SLC35E2B: variants seen among roughly 807,000 people sequenced by gnomAD.
The protein encoded by SLC35E2B is solute carrier family 35, member E2B.
A neutral mutation model predicts 32.4 loss-of-function variants in SLC35E2B; 18 were observed. The ratio of observed to expected loss-of-function variants is 0.56; its 90% CI spans 0.38 to 0.82. The LOEUF is 0.82. Ranked by LOEUF, SLC35E2B falls within the 40% of genes least tolerant of loss-of-function variation. SLC35E2B has a pLI of 0.00. For missense variants in SLC35E2B, 263 were observed against 469.5 expected, an observed-to-expected ratio of 0.56 and a Z score of 4.06; for synonymous variants, 132 against 209.1, an observed-to-expected ratio of 0.63 and a Z score of 3.18.
chr1:1,666,057 C>T, intron 9 of SLC35E2B, 38 bp from the exon 10 acceptor site: 1 of 1,532,096 alleles, frequency 6.5e-7, no homozygotes, highest in African/African-American at 1.4e-5. Flanking sequence ...GCGCTCAGGG[C>T]TATGGTCTCC....
intron 6 of SLC35E2B, chr1:1,670,423 ATTT>A (rs34950577): frequency 3.3e-3 from 707 of 211,464 alleles, no homozygotes; most frequent in Middle Eastern, 6.7e-3. Context: ...CGCCCAACAG[ATTT>A]TTTTTTTTTT....
At chr1:1,677,583 T>A (rs1053044368) in intron 2 of SLC35E2B, among the ~76,000 whole-genome samples, 3 of 151,198 alleles carry the variant, frequency 2.0e-5, no homozygotes, top group African/African-American at 7.3e-5. Flanking sequence ...GTTCTCGCCA[T>A]TCTCCTGCCT....
chr1:1,674,608 C>T lies in SLC35E2B; in HGVS notation c.586+855G>A, dbSNP rs964610595. On this transcript the variant is annotated intron_variant, in intron 5 of 9. Transcript: ENST00000617444. ...CTGCAGCCTGGGCGACAGAGCAAGA[C>T]CCTGTCTCAAAAACATAAAAAAAAC... is the stretch of plus-strand genomic sequence containing the variant. 8.7e-5 allele frequency among the ~76,000 whole-genome samples: 13 copies of T among 149,146 alleles called. 1 individual carries two copies. Among genetic ancestry groups the T allele is most frequent in the African/African-American group, 3.2e-4 (13 of 40,752 alleles).
intron 6 of SLC35E2B, 151 bp downstream of exon 6, chr1:1,671,358 C>T: frequency 3.5e-6 from 3 of 849,412 alleles, no homozygotes; most frequent in Middle Eastern, 4.0e-4. Flanking sequence ...GCCGGGGATA[C>T]CTGTTGTTTT....
chr1:1,679,108 C>G (rs1287089989), intron 2 of SLC35E2B, among the ~76,000 whole-genome samples: 1 of 152,138 alleles, frequency 6.6e-6, no homozygotes, highest in Non-Finnish European at 1.5e-5. Context: ...ACAGCACCCG[C>G]TACACAGGCT....
intron 8 of SLC35E2B, among the ~76,000 whole-genome samples, chr1:1,669,045 C>T (rs1322480654): frequency 6.6e-6 from 1 of 151,728 alleles, no homozygotes; most frequent in Non-Finnish European, 1.5e-5. Flanking sequence ...AGCACTTCCA[C>T]TGCTGGGTAT....
chr1:1,687,932 A>G (rs1030314405), intron 2 of SLC35E2B, among the ~76,000 whole-genome samples: 2 of 152,102 alleles, frequency 1.3e-5, no homozygotes, highest in African/African-American at 2.4e-5. Flanking sequence ...AATAACATAT[A>G]TCATTCTCCA....
rs78896679 is a variant in SLC35E2B at position 1,678,655 on chromosome 1, T to A, written c.-147-1809A>T. On this transcript the variant is annotated intron_variant, in intron 2 of 9. Transcript: ENST00000617444. ...TCCACCAGTTCCCACAGCCTCGGAA[T>A]AACAAAGGACTCATCCACTCCTCGG... Among the ~76,000 whole-genome samples the A allele has an allele frequency of 5.4e-3, 827 of 152,180 alleles. 31 individuals carry two copies. The East Asian group carries it at 0.11, about 20-fold the overall frequency.
At chr1:1,677,535 A>G (rs1643864172) in intron 2 of SLC35E2B, among the ~76,000 whole-genome samples, 1 of 147,658 alleles carries the variant, frequency 6.8e-6, no homozygotes, top group Admixed American at 6.8e-5. Context: ...TGAAGTGCAG[A>G]GGCGTGATCT....
intron 5 of SLC35E2B, among the ~76,000 whole-genome samples, chr1:1,674,779 C>T (rs1190647511): frequency 6.6e-6 from 1 of 152,136 alleles, no homozygotes; most frequent in Non-Finnish European, 1.5e-5. Flanking sequence ...TCCCCAAAGG[C>T]AGACAGACAC....
At chr1:1,689,447 G>A (rs775090650) in intron 2 of SLC35E2B, among the ~76,000 whole-genome samples, 2 of 151,608 alleles carry the variant, frequency 1.3e-5, no homozygotes, top group African/African-American at 4.8e-5. Flanking sequence ...TCACCCACGT[G>A]AGACACACGA....
chr1:1,663,041 C>A lies in SLC35E2B; in HGVS notation c.*2741G>T. ...ATGAAGACCAGCGGCTGGAAACTGA[C>A]TTGGGCATGGAGAGGAGACTGAGGG... On this transcript the variant is annotated 3_prime_UTR_variant, in exon 10 of 10. Transcript: ENST00000617444. 1.0e-6 allele frequency: 1 copy of A among 953,842 alleles called. No individual in the cohort carries two copies. Among genetic ancestry groups the A allele is most frequent in the Non-Finnish European group, 1.2e-6 (1 of 801,428 alleles). 59.1% of individuals were successfully genotyped at this position (953,842 alleles called of 1,614,324 possible). A position where few individuals can be genotyped will look rare whatever the true frequency, so the allele number is the denominator to read the frequency against.
chr1:1,670,236 G>A, intron 6 of SLC35E2B, 85 bp from the exon 7 acceptor site: 1 of 1,012,598 alleles, frequency 9.9e-7, no homozygotes, highest in Non-Finnish European at 1.5e-6. Flanking sequence ...CTCACACGGA[G>A]CGATGGCGAC....
At chr1:1,672,739 T>C (rs1643730490) in intron 5 of SLC35E2B, 1 of 152,290 alleles carries the variant, frequency 6.6e-6, no homozygotes, top group South Asian at 2.1e-4. Context: ...CCCAGGAGAC[T>C]GCTCTGCTCA....
At position 1,665,561 on chromosome 1, in the gene SLC35E2B, C is replaced by G. The variant is rs1458664625; in HGVS notation, c.*221G>C. 2.9e-6 allele frequency: 2 copies of G among 682,432 alleles called. No individual in the cohort carries two copies. The highest frequency in any genetic ancestry group is 6.0e-5 in the Admixed American group (2 of 33,584). 42.3% of individuals were successfully genotyped at this position (682,432 alleles called of 1,614,324 possible). On this transcript the variant is annotated 3_prime_UTR_variant, in exon 10 of 10. Transcript: ENST00000617444. Reference sequence around the variant, plus strand: ...TACACGGGGATGGGCTCGGCGGACACAGTCAGCTACTGGTCTGGTCTCTAC... The same window carrying G: ...TACACGGGGATGGGCTCGGCGGACAGAGTCAGCTACTGGTCTGGTCTCTAC...
Position 1,677,406 on chromosome 1 carries a change from G to C in SLC35E2B, c.-147-560C>G, listed in dbSNP as rs932077273. The stretch of plus-strand genomic sequence containing the variant: ...GTCCTTCACGCCCTGCCTGGCAGCT[G>C]CACCTTCTCGATGGGCTTTGTGGCT... On this transcript the variant is annotated intron_variant, in intron 2 of 9. Transcript: ENST00000617444. Among the ~76,000 whole-genome samples the C allele has an allele frequency of 3.3e-5, 5 of 151,430 alleles. 1 individual carries two copies. Among genetic ancestry groups the C allele is most frequent in the African/African-American group, 1.2e-4 (5 of 41,144 alleles).
At chr1:1,685,236 A>G (rs1643936707) in intron 2 of SLC35E2B, among the ~76,000 whole-genome samples, 1 of 151,836 alleles carries the variant, frequency 6.6e-6, no homozygotes, top group Non-Finnish European at 1.5e-5. Context: ...AGCCTGGGTA[A>G]TATGACGAAA....
chr1:1,670,158 TAAAGA>T lies in SLC35E2B; in HGVS notation c.708-12_708-8del. ...TGAAAAAACATTTTGCAAACTAGAATAAAGAAAAGAGGTTATGCATCAATACTAGT... is the reference window on the plus strand; with the variant it reads ...TGAAAAAACATTTTGCAAACTAGAATAAAGAGGTTATGCATCAATACTAGT... On this transcript the variant is annotated splice_polypyrimidine_tract_variant and splice_region_variant and intron_variant, in intron 6 of 9. Transcript: ENST00000617444. The T allele has an allele frequency of 6.5e-7, 1 of 1,548,512 alleles. No homozygotes were observed. Among genetic ancestry groups the T allele is most frequent in the Non-Finnish European group, 8.7e-7 (1 of 1,143,924 alleles).
At chr1:1,679,769 T>C (rs1323984415) in intron 2 of SLC35E2B, among the ~76,000 whole-genome samples, 1 of 148,228 alleles carries the variant, frequency 6.7e-6, no homozygotes, top group African/African-American at 2.5e-5. Context: ...AAGGCAGAGC[T>C]TGCAGTGAGC....
Sources: allele counts gnomAD v4.1 joint callset (sites outside exome capture counted in the v4.1 genomes callset), GRCh38; gene constraint gnomAD v4.1.1; transcripts MANE v1.5; gene names NCBI Gene and HGNC (gene_info 2026-07-23, HGNC 2026-07-21).